The following STIM2 variants were observed in gnomAD, a reference collection of about 807,000 sequenced individuals.
The protein encoded by STIM2 is stromal interaction molecule 2.
STIM2 carries 31 observed loss-of-function variants against 85.8 expected under a neutral mutation model. That is an observed-to-expected ratio of 0.36 (90% confidence interval 0.27 to 0.49). The LOEUF is 0.49. STIM2 is among the 20% of genes least tolerant of loss of function. The pLI is 0.98. For missense variants in STIM2, 841 were observed against 927.6 expected, an observed-to-expected ratio of 0.91 and a Z score of 1.21; for synonymous variants, 356 against 331.1, an observed-to-expected ratio of 1.08 and a Z score of -0.82.
chr4:27,022,983 A>C lies in STIM2; in HGVS notation c.2228A>C (p.Lys743Thr), dbSNP rs774717896. 1 of 1,611,556 alleles carries C rather than the reference A, an allele frequency of 6.2e-7. No individual in the cohort carries two copies. Among genetic ancestry groups the C allele is most frequent in the Non-Finnish European group, 8.5e-7 (1 of 1,179,726 alleles). Residue 743 changes from lysine to threonine, a missense_variant, in exon 12 of 12, where the codon AAG becomes ACG. Lys to Thr is a moderately conservative substitution (Grantham distance 78, BLOSUM62 -1). This residue lies in a region of STIM2 where 293 missense variants were observed against 284.5 expected (regional missense o/e 1.03). Coordinates refer to ENST00000467087, the MANE Select transcript of STIM2 (RefSeq NM_020860.4). ...TCAAAAATCAAAAGCCTTTTTAAGA[A>C]GAAATCTAAGTGAACTGGCTGACTT...
At chr4:26,970,100 A>G (rs1157242221) in intron 3 of STIM2, among the ~76,000 whole-genome samples, 7 of 150,632 alleles carry the variant, frequency 4.6e-5, no homozygotes, top group Non-Finnish European at 7.4e-5. Flanking sequence ...CATTTTTGCA[A>G]ACCTCTTCAA....
chr4:26,984,994 G>A (rs968835167), intron 3 of STIM2, among the ~76,000 whole-genome samples: 1 of 152,078 alleles, frequency 6.6e-6, no homozygotes, highest in African/African-American at 2.4e-5. Context: ...TCAAGTTCAG[G>A]GTGTTGCTTT....
At chr4:26,862,009 G>GATGCTGGGGTTTCTAC (rs1722228552) in intron 1 of STIM2, among the ~76,000 whole-genome samples, 2 of 152,156 alleles carry the variant, frequency 1.3e-5, no homozygotes, top group Non-Finnish European at 2.9e-5. Flanking sequence ...ATCACTGGGT[G>GATGCTGGGGTTTCTAC]ACAAAGGGTG....
At chr4:26,932,919 G>T (rs1220798575) in intron 2 of STIM2, among the ~76,000 whole-genome samples, 1 of 152,160 alleles carries the variant, frequency 6.6e-6, no homozygotes, top group Admixed American at 6.5e-5. Context: ...AACACATAAC[G>T]ACTTGTCCTG....
At chr4:26,975,326 G>T (rs1577473756) in intron 3 of STIM2, among the ~76,000 whole-genome samples, 1 of 152,112 alleles carries the variant, frequency 6.6e-6, no homozygotes, top group Non-Finnish European at 1.5e-5. Flanking sequence ...GGGCACTCTG[G>T]TTTTTAGAAT....
At chr4:26,899,934 T>C (rs968512411) in intron 1 of STIM2, among the ~76,000 whole-genome samples, 1 of 152,164 alleles carries the variant, frequency 6.6e-6, no homozygotes, top group African/African-American at 2.4e-5. Flanking sequence ...AATTACTGTC[T>C]TGAGTGTGTC....
chr4:26,886,304 A>C (rs972841386), intron 1 of STIM2, among the ~76,000 whole-genome samples: 1 of 152,180 alleles, frequency 6.6e-6, no homozygotes, highest in Non-Finnish European at 1.5e-5. Flanking sequence ...GAACACTTAC[A>C]GATATTGTTG....
At chr4:26,966,586 TAA>T (rs1726730122) in intron 3 of STIM2, among the ~76,000 whole-genome samples, 2 of 152,174 alleles carry the variant, frequency 1.3e-5, no homozygotes, top group Non-Finnish European at 2.9e-5. Context: ...AGAAATAATG[TAA>T]ATTACAAATA....
At chr4:26,901,896 A>G (rs376588806) in intron 1 of STIM2, among the ~76,000 whole-genome samples, 1 of 152,186 alleles carries the variant, frequency 6.6e-6, no homozygotes, top group East Asian at 1.9e-4. Flanking sequence ...ACTTGCAACT[A>G]TAATAGTTAT....
Position 26,861,085 on chromosome 4 carries a change from C to A in STIM2, c.-134C>A. The A allele has an allele frequency of 8.4e-7, 1 of 1,195,274 alleles. No individual in the cohort carries two copies. Among genetic ancestry groups the A allele is most frequent in the Non-Finnish European group, 1.0e-6 (1 of 967,144 alleles). The allele number at this position is 1,195,274 out of a possible 1,614,324, so 74.0% of individuals were successfully genotyped here. ...GAGTCGCCGGCGGCGGTGGTGGCGC[C>A]TCGCGGAGCCGGCGAGCTGCAGGCG... On this transcript the variant is annotated 5_prime_UTR_variant, in exon 1 of 12. Transcript: ENST00000467087.
intron 4 of STIM2, among the ~76,000 whole-genome samples, chr4:26,997,869 TA>T (rs1032204203): frequency 3.0e-4 from 45 of 152,302 alleles, no homozygotes; most frequent in Middle Eastern, 3.4e-3. Flanking sequence ...CTTTGCTCTT[TA>T]AGGTTTTATA....
chr4:27,022,698 G>C lies in STIM2; in HGVS notation c.1943G>C (p.Trp648Ser). The C allele has an allele frequency of 6.2e-7, 1 of 1,614,206 alleles. No homozygotes were observed. Among genetic ancestry groups the C allele is most frequent in the Admixed American group, 1.7e-5 (1 of 60,030 alleles). Residue 648 changes from tryptophan (W) to serine (S), a missense_variant, in exon 12 of 12, where the codon TGG becomes TCG. Trp to Ser is a radical substitution (Grantham distance 177). This residue lies in a region of STIM2 where 293 missense variants were observed against 284.5 expected (regional missense o/e 1.03). Transcript: ENST00000467087. ...TCGCCTGTAACTGTGGATGTGTCTT[G>C]GGGTTCTCCCGACTGTGTAGGTCTG... is the stretch of plus-strand genomic sequence containing the variant.
At chr4:26,962,791 A>G (rs1726533343) in intron 3 of STIM2, among the ~76,000 whole-genome samples, 1 of 152,242 alleles carries the variant, frequency 6.6e-6, no homozygotes, top group African/African-American at 2.4e-5. Flanking sequence ...AATTGTACAT[A>G]GAAAATATTT....
rs574038176 is a variant in STIM2 at position 26,938,191 on chromosome 4, T to A, written c.282+18557T>A. Among the ~76,000 whole-genome samples, 590 of 151,726 alleles carry A rather than the reference T, an allele frequency of 3.9e-3. 5 individuals carry two copies. Among genetic ancestry groups the A allele is most frequent in the African/African-American group, 0.013 (539 of 41,442 alleles). On this transcript the variant is annotated intron_variant, in intron 2 of 11. Transcript: ENST00000467087. ...TTTTCCCAAATTTTCTTTTTTTTTT[T>A]AAAACAAAAAAATGTCCCCAGCTTT...
chr4:26,982,255 CA>C (rs1727426333), intron 3 of STIM2, among the ~76,000 whole-genome samples: 2 of 152,140 alleles, frequency 1.3e-5, no homozygotes, highest in South Asian at 4.1e-4. Context: ...GACTGATTCT[CA>C]AAAACTTATG....
At chr4:26,967,464 G>A (rs1347719837) in intron 3 of STIM2, among the ~76,000 whole-genome samples, 1 of 152,202 alleles carries the variant, frequency 6.6e-6, no homozygotes, top group Non-Finnish European at 1.5e-5. Context: ...AGCATCTAGA[G>A]AGGGGAGTGT....
intron 1 of STIM2, among the ~76,000 whole-genome samples, chr4:26,894,167 G>A (rs765020090): frequency 2.6e-5 from 4 of 152,190 alleles, no homozygotes; most frequent in Admixed American, 6.5e-5. Flanking sequence ...GATTACAGGC[G>A]TGAGCCACTG....
At chr4:26,992,606 T>C (rs1323592973) in intron 3 of STIM2, among the ~76,000 whole-genome samples, 2 of 152,052 alleles carry the variant, frequency 1.3e-5, no homozygotes, top group Admixed American at 6.6e-5. Flanking sequence ...AGCTGAGATA[T>C]GAAGGTTTAA....
chr4:27,003,327 A>G (rs181729369), intron 7 of STIM2, among the ~76,000 whole-genome samples: 10 of 152,314 alleles, frequency 6.6e-5, no homozygotes, highest in Admixed American at 1.3e-4. Flanking sequence ...CATTCATGAA[A>G]TCTTACCTTG....
Sources: gnomAD v4.1 joint callset for allele counts (sites outside exome capture counted in the v4.1 genomes callset) on GRCh38, gnomAD v4.1.1 for gene constraint, gnomAD v4.1.1 regional missense constraint, MANE v1.5 for transcripts, NCBI Gene and HGNC (gene_info 2026-07-23, HGNC 2026-07-21) for gene names.